The following GABARAPL1 variants were observed in gnomAD, a reference collection of about 807,000 sequenced individuals.
GABARAPL1 encodes gamma-aminobutyric acid receptor-associated protein-like 1.
A neutral mutation model predicts 14.5 loss-of-function variants in GABARAPL1; 4 were observed. The observed-to-expected ratio is 0.28, with a 90% confidence interval of 0.14 to 0.63. The LOEUF is 0.63. GABARAPL1 is among the 30% of genes least tolerant of loss of function. The pLI is 0.84. For missense variants in GABARAPL1, 82 were observed against 139.2 expected, an observed-to-expected ratio of 0.59 and a Z score of 2.07; for synonymous variants, 47 against 50.6, an observed-to-expected ratio of 0.93 and a Z score of 0.30.
rs1949114040 is a variant in GABARAPL1, at chr12:10,220,439, G to C, written c.170-1G>C. On this transcript the variant is annotated splice_acceptor_variant, in intron 2 of 3. Coordinates refer to ENST00000266458, the MANE Select transcript of GABARAPL1 (RefSeq NM_031412.4). LOFTEE classifies it high-confidence loss of function. The stretch of plus-strand genomic sequence containing the variant: ...TGCCCTTTTCTTCTTCCATCATCCA[G>C]TTGGCCAGTTCTACTTCTTAATCCG... 6.2e-7 allele frequency: 1 copy of C among 1,611,854 alleles called. No homozygotes were observed.
chr12:10,222,648 A>G lies in GABARAPL1; in HGVS notation c.*796A>G, dbSNP rs1207740457. 2 of 152,200 alleles carry G rather than the reference A, an allele frequency of 1.3e-5. No individual in the cohort carries two copies. The highest frequency in any genetic ancestry group is 6.5e-5 in the Admixed American group (1 of 15,282). 9.4% of individuals were successfully genotyped at this position (152,200 alleles called of 1,614,324 possible). A position where few individuals can be genotyped will look rare whatever the true frequency, so the allele number is the denominator to read the frequency against. The stretch of plus-strand genomic sequence containing the variant: ...ATTTAATAAGTCTCAGGCATTTCCA[A>G]TTGTAGACTAAAACCACTCTTAGCA... On this transcript the variant is annotated 3_prime_UTR_variant, in exon 4 of 4. Transcript: ENST00000266458.
chr12:10,220,149 C>T (rs762519020), intron 2 of GABARAPL1, among the ~76,000 whole-genome samples: 4 of 152,122 alleles, frequency 2.6e-5, no homozygotes, highest in Non-Finnish European at 5.9e-5. Flanking sequence ...ATTCCTTCAA[C>T]GTAGTCCTCA....
intron 1 of GABARAPL1, among the ~76,000 whole-genome samples, chr12:10,217,391 G>C (rs113815750): frequency 6.6e-6 from 1 of 152,126 alleles, no homozygotes; most frequent in Non-Finnish European, 1.5e-5. Flanking sequence ...ACTTACAGGT[G>C]ATCAGGACCA....
chr12:10,214,733 G>T (rs111945790), intron 1 of GABARAPL1: 1 of 152,212 alleles, frequency 6.6e-6, no homozygotes, highest in Non-Finnish European at 1.5e-5. Flanking sequence ...CTGATCTGTG[G>T]TTGAGCTGGA....
At chr12:10,217,135 A>G (rs936366245) in intron 1 of GABARAPL1, among the ~76,000 whole-genome samples, 17 of 152,218 alleles carry the variant, frequency 1.1e-4, no homozygotes, top group Non-Finnish European at 2.2e-4. Flanking sequence ...ACAGAAATAC[A>G]TGATCTTTAT....
In GABARAPL1 at chr12:10,221,985, C is replaced by A; in HGVS notation, c.*133C>A. On this transcript the variant is annotated 3_prime_UTR_variant, in exon 4 of 4. Transcript: ENST00000266458. ...GTGAAGACATCTAGAAACATTACAC[C>A]ACACACACCGTCATCACATTTTCAC... 1.4e-6 allele frequency: 1 copy of A among 721,820 alleles called. No individual in the cohort carries two copies. The highest frequency in any genetic ancestry group is 2.4e-6 in the Non-Finnish European group (1 of 414,142). The allele number at this position is 721,820 out of a possible 1,614,324, so 44.7% of individuals were successfully genotyped here. A position where few individuals can be genotyped will look rare whatever the true frequency, so the allele number is the denominator to read the frequency against.
At position 10,221,145 on chromosome 12, in the gene GABARAPL1, A is replaced by G. The variant is rs139213452; in HGVS notation, c.288+587A>G. 4.7e-4 allele frequency: 463 copies of G among 983,134 alleles called. No individual in the cohort carries two copies. The African/African-American group carries it at 7.7e-3, about 16-fold the overall frequency. The allele number at this position is 983,134 out of a possible 1,614,324, so 60.9% of individuals were successfully genotyped here. On this transcript the variant is annotated intron_variant, in intron 3 of 3. Coordinates refer to ENST00000266458, the MANE Select transcript of GABARAPL1 (RefSeq NM_031412.4). The stretch of plus-strand genomic sequence containing the variant: ...TCTTAGAACAAAACTAAAACTGTGA[A>G]ACAGATTCCACATTATCTGGGCACA...
intron 2 of GABARAPL1, among the ~76,000 whole-genome samples, chr12:10,219,345 A>AC (rs1317477006): frequency 6.6e-6 from 1 of 150,400 alleles, no homozygotes; most frequent in African/African-American, 2.5e-5. Context: ...AAAAAAAAAA[A>AC]CCCCAAAATT....
intron 1 of GABARAPL1, chr12:10,213,528 T>G (rs1592003067): frequency 5.7e-6 from 2 of 350,218 alleles, no homozygotes; most frequent in South Asian, 2.3e-5. Flanking sequence ...TGGGTTGCGG[T>G]GCACAAAATA....
At chr12:10,219,423 T>C (rs1949108259) in intron 2 of GABARAPL1, among the ~76,000 whole-genome samples, 1 of 152,204 alleles carries the variant, frequency 6.6e-6, no homozygotes, top group South Asian at 2.1e-4. Flanking sequence ...GAGAGGATTA[T>C]ATTTTAGAGT....
intron 3 of GABARAPL1, chr12:10,220,836 GC>G: frequency 7.1e-7 from 1 of 1,417,464 alleles, no homozygotes; most frequent in Non-Finnish European, 9.2e-7. Context: ...TATTGAAACA[GC>G]AGGAAGTGAT....
In GABARAPL1 at chr12:10,213,081, C is replaced by T; in HGVS notation, c.-49C>T. The T allele has an allele frequency of 8.6e-7, 1 of 1,166,532 alleles. No homozygotes were observed. The highest frequency in any genetic ancestry group is 1.3e-6 in the Non-Finnish European group (1 of 792,108). The allele number at this position is 1,166,532 out of a possible 1,614,324, so 72.3% of individuals were successfully genotyped here. A position where few individuals can be genotyped will look rare whatever the true frequency, so the allele number is the denominator to read the frequency against. ...TGAGGGAGCGGGACAGGGTCAGCGG[C>T]GAAGGAGGCAGGCCCCGCGCGGGGA... On this transcript the variant is annotated 5_prime_UTR_variant, in exon 1 of 4. Transcript: ENST00000266458.
intron 2 of GABARAPL1, 39 bp from the exon 3 acceptor site, chr12:10,220,401 T>G (rs1044703245): frequency 1.2e-6 from 2 of 1,611,036 alleles, no homozygotes; most frequent in Non-Finnish European, 8.5e-7. Flanking sequence ...CCTTGTTTTC[T>G]TACTTTCTTT....
intron 2 of GABARAPL1, among the ~76,000 whole-genome samples, chr12:10,219,247 A>G (rs1949106610): frequency 6.6e-6 from 1 of 150,822 alleles, no homozygotes; most frequent in Non-Finnish European, 1.5e-5. Flanking sequence ...TGAACCTGGG[A>G]GGCAGAGGTT....
chr12:10,216,874 C>CTAAAA (rs1949093455), intron 1 of GABARAPL1, among the ~76,000 whole-genome samples: 1 of 152,104 alleles, frequency 6.6e-6, no homozygotes, highest in Non-Finnish European at 1.5e-5. Flanking sequence ...GTCTAAAGCT[C>CTAAAA]ATGATTTTAC....
chr12:10,220,927 T>C (rs941356120), intron 3 of GABARAPL1: 133 of 1,337,742 alleles, frequency 9.9e-5, no homozygotes, highest in Non-Finnish European at 1.1e-4. Flanking sequence ...TTGTAATGCA[T>C]TCAGAATCCA....
chr12:10,222,260 C>T lies in GABARAPL1; in HGVS notation c.*408C>T, dbSNP rs139579008. Reference sequence around the variant, plus strand: ...AGAGATTCTATTTTTGACATTTGCACAAGACAGGTAGGGAAAGGGGACTTG... The same window carrying T: ...AGAGATTCTATTTTTGACATTTGCATAAGACAGGTAGGGAAAGGGGACTTG... On this transcript the variant is annotated 3_prime_UTR_variant, in exon 4 of 4. Transcript: ENST00000266458. 1.1e-3 allele frequency: 227 copies of T among 202,698 alleles called. No individual in the cohort carries two copies. Among genetic ancestry groups the T allele is most frequent in the African/African-American group, 4.7e-3 (209 of 44,118 alleles). 12.6% of individuals were successfully genotyped at this position (202,698 alleles called of 1,614,324 possible).
intron 1 of GABARAPL1, chr12:10,213,901 C>G (rs1565436139): frequency 4.4e-6 from 2 of 455,812 alleles, no homozygotes; most frequent in South Asian, 3.1e-5. Context: ...GGTACCTGGT[C>G]GCGATAAGGC....
At chr12:10,218,204 A>T (rs376106898) in intron 2 of GABARAPL1, 63 bp downstream of exon 2, 1 of 905,572 alleles carries the variant, frequency 1.1e-6, no homozygotes, top group Non-Finnish European at 1.9e-6. Flanking sequence ...TCCTCATTAC[A>T]TGCATGAGAT....
Sources: gnomAD v4.1 joint callset for allele counts (sites outside exome capture counted in the v4.1 genomes callset) on GRCh38, gnomAD v4.1.1 for gene constraint, MANE v1.5 for transcripts, NCBI Gene and HGNC (gene_info 2026-07-23, HGNC 2026-07-21) for gene names.